ERC2: variants seen among roughly 807,000 people sequenced by gnomAD.
ERC2 encodes the protein ELKS/RAB6-interacting/CAST family member 2.
A neutral mutation model predicts 114.8 loss-of-function variants in ERC2; 42 were observed. The observed-to-expected ratio is 0.37, with a 90% CI of 0.29 to 0.47. ERC2 has a LOEUF of 0.47. Ranked by LOEUF, ERC2 falls within the 20% of genes least tolerant of loss-of-function variation. The probability of loss-of-function intolerance (pLI) is 0.99; values close to 1 mark genes in which losing one functional copy is unlikely to be tolerated. For synonymous variants in ERC2, 454 were observed against 425.5 expected (o/e 1.07, Z -0.82); for missense variants, 939 against 1,150.7 (o/e 0.82, Z 2.66).
At chr3:55,907,593 C>A (rs933135954) in intron 13 of ERC2, among the ~76,000 whole-genome samples, 1 of 152,182 alleles carries the variant, frequency 6.6e-6, no homozygotes, top group African/African-American at 2.4e-5. Flanking sequence ...GGCATTCCTG[C>A]CCACCCCATA....
chr3:55,992,081 T>A lies in ERC2; in HGVS notation c.2231A>T (p.Asp744Val). ...KEVENEKNDK[D>V]KKIAELESLT... ...CCTCTCCAGTTCTGCGATCTTCTTG[T>A]CCTTGTCATTCTTCTCATTCTCCAC... The change falls in exon 11 of 18, where the codon GAC (aspartate) becomes GTC (valine). Residue 744 changes from aspartate to valine, a missense_variant. Physicochemically the swap from Asp to Val is radical, Grantham distance 152. This residue lies in a region of ERC2 where 328 missense variants were observed against 353.9 expected (regional missense o/e 0.93). Transcript: ENST00000288221. 3 of 1,613,740 alleles carry A rather than the reference T, an allele frequency of 1.9e-6. No individual in the cohort carries two copies. The highest frequency in any genetic ancestry group is 1.1e-5 in the South Asian group (1 of 91,024).
intron 12 of ERC2, among the ~76,000 whole-genome samples, chr3:55,957,963 G>A (rs1201338984): frequency 6.6e-6 from 1 of 152,188 alleles, no homozygotes; most frequent in Non-Finnish European, 1.5e-5. Context: ...CCACTATATG[G>A]TGAGTTGGGG....
chr3:56,205,429 C>A (rs1206328302), intron 3 of ERC2, among the ~76,000 whole-genome samples: 2 of 152,090 alleles, frequency 1.3e-5, no homozygotes, highest in African/African-American at 4.8e-5. Context: ...CTGAGCAGGA[C>A]CCCAATTACT....
At chr3:55,949,933 T>A (rs2067385699) in intron 13 of ERC2, among the ~76,000 whole-genome samples, 1 of 152,228 alleles carries the variant, frequency 6.6e-6, no homozygotes, top group Admixed American at 6.5e-5. Flanking sequence ...AAGATAACTA[T>A]ATTCACAGAG....
Position 56,007,232 on chromosome 3 carries a change from G to C in ERC2, c.2010C>G (p.Ala670=). ...RDSKLKSLEI[A]IEQKKEECSK... ...TACATTCCTCTTTCTTTTGTTCAATGGCTATTTCTAGAGATTTTAATTTGG... is the reference window on the plus strand; with the variant it reads ...TACATTCCTCTTTCTTTTGTTCAATCGCTATTTCTAGAGATTTTAATTTGG... The change falls in exon 10 of 18, where the codon GCC becomes GCG. Residue 670 remains alanine (A), a synonymous_variant. Coordinates refer to ENST00000288221, the MANE Select transcript of ERC2 (RefSeq NM_015576.3). 1.3e-6 allele frequency: 2 copies of C among 1,582,430 alleles called. No homozygotes were observed. Among genetic ancestry groups the C allele is most frequent in the Non-Finnish European group, 1.7e-6 (2 of 1,162,642 alleles).
chr3:55,934,679 G>GA (rs1447348834), intron 13 of ERC2, among the ~76,000 whole-genome samples: 3 of 151,754 alleles, frequency 2.0e-5, no homozygotes, highest in African/African-American at 4.8e-5. Context: ...TCTAGACAAA[G>GA]AAAAAAAATT....
At chr3:55,830,545 A>G (rs1040734419) in intron 14 of ERC2, among the ~76,000 whole-genome samples, 3 of 152,234 alleles carry the variant, frequency 2.0e-5, no homozygotes, top group Non-Finnish European at 4.4e-5. Flanking sequence ...GAGGATAATT[A>G]TAAGGTTGTG....
chr3:55,939,839 C>T (rs903365110), intron 13 of ERC2, among the ~76,000 whole-genome samples: 2 of 152,202 alleles, frequency 1.3e-5, no homozygotes, highest in Non-Finnish European at 2.9e-5. Context: ...CTGAGAAGTT[C>T]CTGCACTGTG....
intron 14 of ERC2, among the ~76,000 whole-genome samples, chr3:55,830,121 C>G (rs1215893175): frequency 2.0e-5 from 3 of 152,134 alleles, no homozygotes; most frequent in Non-Finnish European, 4.4e-5. Context: ...CAGAAGAAAA[C>G]AATGACTGAA....
Position 55,691,577 on chromosome 3 carries a change from T to A in ERC2, c.2848-7718A>T, listed in dbSNP as rs397832913. On this transcript the variant is annotated intron_variant, in intron 16 of 17. Transcript: ENST00000288221. ...AAAAAAAAAAAAAAAAAAAAAAATA[T>A]ATATATATATATATATATATATATA... Among the ~76,000 whole-genome samples the A allele has an allele frequency of 2.0e-3, 163 of 79,726 alleles. 1 individual carries two copies. The highest frequency in any genetic ancestry group is 6.4e-3 in the African/African-American group (111 of 17,332). The allele number at this position is 79,726 out of a possible 152,430, so 52.3% of individuals were successfully genotyped here. A position where few individuals can be genotyped will look rare whatever the true frequency, so the allele number is the denominator to read the frequency against.
At chr3:56,117,334 T>C (rs891987662) in intron 6 of ERC2, among the ~76,000 whole-genome samples, 2 of 152,224 alleles carry the variant, frequency 1.3e-5, no homozygotes, top group South Asian at 2.1e-4. Flanking sequence ...TCTGGTAATA[T>C]GCTATTACCT....
intron 17 of ERC2, among the ~76,000 whole-genome samples, chr3:55,560,015 A>C (rs2055895773): frequency 6.6e-6 from 1 of 152,158 alleles, no homozygotes; most frequent in Non-Finnish European, 1.5e-5. Context: ...TGGGCTGCTG[A>C]AGGAACTTTA....
intron 3 of ERC2, among the ~76,000 whole-genome samples, chr3:56,176,774 T>C (rs749490320): frequency 5.9e-4 from 90 of 152,216 alleles, no homozygotes; most frequent in Non-Finnish European, 1.3e-3. Flanking sequence ...CACTCTGTGG[T>C]AGAGGACCAG....
intron 17 of ERC2, among the ~76,000 whole-genome samples, chr3:55,554,994 C>T (rs1365877301): frequency 6.6e-6 from 1 of 152,198 alleles, no homozygotes; most frequent in Non-Finnish European, 1.5e-5. Flanking sequence ...CAGACAGAAA[C>T]TTCACCAGCG....
intron 17 of ERC2, among the ~76,000 whole-genome samples, chr3:55,550,832 C>T (rs192660030): frequency 0.012 from 1,843 of 151,902 alleles, 23 homozygotes; most frequent in African/African-American, 0.035. Flanking sequence ...CTGGCTAACA[C>T]GGTGAAACCC....
intron 17 of ERC2, among the ~76,000 whole-genome samples, chr3:55,563,984 G>C (rs1157211400): frequency 6.6e-6 from 1 of 152,208 alleles, no homozygotes; most frequent in African/African-American, 2.4e-5. Context: ...GACCATAAGA[G>C]AAGTTGGATA....
intron 2 of ERC2, among the ~76,000 whole-genome samples, chr3:56,362,938 A>G (rs2059013060): frequency 6.6e-6 from 1 of 152,222 alleles, no homozygotes; most frequent in African/African-American, 2.4e-5. Flanking sequence ...AATTGAGGAT[A>G]TTGGCTCCTC....
intron 17 of ERC2, among the ~76,000 whole-genome samples, chr3:55,645,863 G>A (rs1305905314): frequency 1.3e-5 from 2 of 152,224 alleles, no homozygotes; most frequent in South Asian, 2.1e-4. Context: ...ATCCCTCTAC[G>A]GTTAGTACAA....
intron 12 of ERC2, among the ~76,000 whole-genome samples, chr3:55,974,276 G>A (rs2069405347): frequency 6.6e-6 from 1 of 152,164 alleles, no homozygotes; most frequent in Non-Finnish European, 1.5e-5. Flanking sequence ...GCCGGACAGG[G>A]GCTAATACGT....
Sources: gnomAD v4.1 joint callset for allele counts (sites outside exome capture counted in the v4.1 genomes callset) on GRCh38, gnomAD v4.1.1 for gene constraint, gnomAD v4.1.1 regional missense constraint, MANE v1.5 for transcripts, NCBI Gene and HGNC (gene_info 2026-07-23, HGNC 2026-07-21) for gene names.